Variants in NRXN3 observed in about 807,000 individuals in gnomAD.
NRXN3 encodes the protein neurexin 3, also known as neurexin III.
NRXN3 carries 32 observed loss-of-function variants against 137.6 expected under a neutral mutation model. The observed-to-expected ratio is 0.23, with a 90% CI of 0.18 to 0.31. The LOEUF (loss-of-function observed/expected upper bound fraction) is 0.31. NRXN3 is among the 10% of genes least tolerant of loss of function. The probability of loss-of-function intolerance (pLI) is 1.00; values close to 1 mark genes in which losing one functional copy is unlikely to be tolerated. For synonymous variants in NRXN3, 798 were observed against 784.5 expected (o/e 1.02, Z -0.29); for missense variants, 1,574 against 2,062.5 (o/e 0.76, Z 4.59).
At chr14:78,189,262 T>C (rs555121388) in intron 1 of NRXN3, among the ~76,000 whole-genome samples, 2 of 152,330 alleles carry the variant, frequency 1.3e-5, no homozygotes, top group South Asian at 4.1e-4. Context: ...CTTACTGTGC[T>C]CCTGCTCCCA....
At position 79,504,662 on chromosome 14, in the gene NRXN3, T is replaced by TATATATATATATATAC. The variant is rs1167514368; in HGVS notation, c.3444+37273_3444+37274insTACATATATATATATA. ...TTTTTTATATATATATATGTATATA[T>TATATATATATATATAC]ATATATATATATAAAACATTACACA... On this transcript the variant is annotated intron_variant, in intron 16 of 20. Coordinates refer to ENST00000335750, the MANE Select transcript of NRXN3 (RefSeq NM_001330195.2). 7.7e-5 allele frequency among the ~76,000 whole-genome samples: 11 copies of TATATATATATATATAC among 142,326 alleles called. 1 individual carries two copies. Among genetic ancestry groups the TATATATATATATATAC allele is most frequent in the Non-Finnish European group, 1.2e-4 (8 of 65,824 alleles). The allele number at this position is 142,326 out of a possible 152,430, so 93.4% of individuals were successfully genotyped here. A position where few individuals can be genotyped will look rare whatever the true frequency, so the allele number is the denominator to read the frequency against.
chr14:78,273,561 A>G (rs781284604), intron 2 of NRXN3, among the ~76,000 whole-genome samples: 6 of 152,168 alleles, frequency 3.9e-5, no homozygotes, highest in Non-Finnish European at 8.8e-5. Context: ...TGAGGGTCTC[A>G]TCTATACAGC....
At chr14:78,923,187 A>C (rs932497353) in intron 10 of NRXN3, among the ~76,000 whole-genome samples, 1 of 152,114 alleles carries the variant, frequency 6.6e-6, no homozygotes, top group East Asian at 1.9e-4. Context: ...AGCACACCCT[A>C]TTGCTTGACT....
At chr14:79,721,662 A>G (rs1244273594) in intron 19 of NRXN3, among the ~76,000 whole-genome samples, 1 of 152,176 alleles carries the variant, frequency 6.6e-6, no homozygotes, top group African/African-American at 2.4e-5. Context: ...TATGGGCTAT[A>G]GATATTTGAA....
intron 15 of NRXN3, among the ~76,000 whole-genome samples, chr14:79,172,764 AG>A (rs1375737363): frequency 3.9e-5 from 6 of 152,230 alleles, no homozygotes; most frequent in Non-Finnish European, 8.8e-5. Flanking sequence ...ATCTGAGGAT[AG>A]CCAAGGAAAA....
At chr14:79,733,677 T>TTG (rs199965338) in intron 19 of NRXN3, among the ~76,000 whole-genome samples, 2,713 of 133,434 alleles carry the variant, frequency 0.02, 52 homozygotes, top group Non-Finnish European at 0.03. Flanking sequence ...TGTTGTTGTT[T>TTG]TTTTTTTTTT....
chr14:78,687,092 G>A (rs909381153), intron 6 of NRXN3, among the ~76,000 whole-genome samples: 4 of 152,164 alleles, frequency 2.6e-5, no homozygotes, highest in Admixed American at 2.6e-4. Flanking sequence ...ACAAAAAGTT[G>A]AAGGAGAAGC....
chr14:78,827,609 C>T (rs1273038028), intron 10 of NRXN3, among the ~76,000 whole-genome samples: 1 of 152,212 alleles, frequency 6.6e-6, no homozygotes, highest in East Asian at 1.9e-4. Context: ...TAAGGGCTGA[C>T]AGGTCATGCC....
At chr14:79,316,729 C>CTCTCT in intron 15 of NRXN3, among the ~76,000 whole-genome samples, 1 of 137,940 alleles carries the variant, frequency 7.2e-6, no homozygotes, top group South Asian at 2.4e-4. Context: ...CTGTCCTGTC[C>CTCTCT]CTCTCTCTCT....
chr14:79,012,457 T>C (rs1477722760), intron 15 of NRXN3, among the ~76,000 whole-genome samples: 1 of 152,162 alleles, frequency 6.6e-6, no homozygotes, highest in Non-Finnish European at 1.5e-5. Context: ...AGAAGTCCAG[T>C]AATCTAGAGC....
chr14:79,113,436 G>GTCTTTAGT (rs1225839976), intron 15 of NRXN3, among the ~76,000 whole-genome samples: 8 of 152,120 alleles, frequency 5.3e-5, no homozygotes, highest in Non-Finnish European at 1.5e-5. Flanking sequence ...GACTTTTTGT[G>GTCTTTAGT]TCTTTAGTCT....
chr14:79,775,512 T>TGAAATCAG (rs1396834418), intron 19 of NRXN3, among the ~76,000 whole-genome samples: 6 of 136,910 alleles, frequency 4.4e-5, no homozygotes, highest in Non-Finnish European at 9.1e-5. Flanking sequence ...TGGATAAGAC[T>TGAAATCAG]GAAATCAGGT....
chr14:78,278,728 G>A (rs2073975441), intron 3 of NRXN3, 66 bp downstream of exon 3: 2 of 1,354,180 alleles, frequency 1.5e-6, no homozygotes, highest in Non-Finnish European at 1.0e-6. Context: ...CATGGTTTGA[G>A]TCTGAGTGAG....
intron 15 of NRXN3, among the ~76,000 whole-genome samples, chr14:79,085,474 A>G (rs554945229): frequency 2.0e-5 from 3 of 152,334 alleles, no homozygotes; most frequent in African/African-American, 7.2e-5. Flanking sequence ...TAACGCTTCA[A>G]TGTGTATTAC....
intron 4 of NRXN3, among the ~76,000 whole-genome samples, chr14:78,528,854 AT>A (rs2096418699): frequency 1.3e-5 from 2 of 152,110 alleles, no homozygotes; most frequent in African/African-American, 4.8e-5. Flanking sequence ...AAAATTCTGT[AT>A]CTAGATTACC....
At chr14:78,394,769 C>T (rs904654689) in intron 4 of NRXN3, among the ~76,000 whole-genome samples, 1 of 151,764 alleles carries the variant, frequency 6.6e-6, no homozygotes, top group Non-Finnish European at 1.5e-5. Context: ...CAAATGATCT[C>T]TTCCATATTC....
chr14:78,243,624 G>A lies in NRXN3; in HGVS notation c.531G>A (p.Leu177=). The A allele has an allele frequency of 1.3e-6, 2 of 1,598,404 alleles. 1 individual carries two copies. Residue 177 remains leucine (L), a synonymous_variant, in exon 2 of 21, where the codon CTG becomes CTA. Coordinates refer to ENST00000335750, the MANE Select transcript of NRXN3 (RefSeq NM_001330195.2). This position sits in a 1 kb window ranked among gnomAD's most constrained non-coding sequence, Gnocchi z 4.2. The part of the protein sequence containing the change: ...QAMPGFKGLI[L]DLKYGNSEPR... The stretch of plus-strand genomic sequence containing the variant: ...TGCCCGGCTTCAAGGGGTTAATTCT[G>A]GATCTCAAGTATGGAAACTCGGAGC...
intron 16 of NRXN3, among the ~76,000 whole-genome samples, chr14:79,548,857 G>A (rs535291365): frequency 1.1e-4 from 16 of 152,046 alleles, no homozygotes; most frequent in South Asian, 8.3e-4. Context: ...TGCCAATGTC[G>A]TGCTTCCTGA....
intron 8 of NRXN3, among the ~76,000 whole-genome samples, chr14:78,740,358 A>G (rs928756924): frequency 1.8e-4 from 26 of 141,752 alleles, no homozygotes; most frequent in African/African-American, 5.9e-4. Context: ...AACAGTTAAT[A>G]ATAAAGCACT....
Sources: allele counts gnomAD v4.1 joint callset (sites outside exome capture counted in the v4.1 genomes callset), GRCh38; gene constraint gnomAD v4.1.1; non-coding constraint Gnocchi (gnomAD v3.1); transcripts MANE v1.5; gene names NCBI Gene and HGNC (gene_info 2026-07-23, HGNC 2026-07-21).